DOCK4: variants seen among roughly 807,000 people sequenced by gnomAD.
DOCK4 encodes the protein dedicator of cytokinesis protein 4.
In DOCK4, 97 loss-of-function variants were observed where a neutral mutation model predicts 268.1. The ratio of observed to expected loss-of-function variants is 0.36; its 90% CI spans 0.31 to 0.43. The LOEUF is 0.43. Among genes scored for constraint, DOCK4 ranks in the 20% least tolerant of loss-of-function variants. DOCK4 has a pLI of 1.00. For missense variants in DOCK4, 2,145 were observed against 2,455.7 expected (o/e 0.87, Z 2.67); for synonymous variants, 954 against 887.2 (o/e 1.08, Z -1.34).
chr7:112,184,795 C>G lies in DOCK4; in HGVS notation c.37+21307G>C, dbSNP rs375722231. On this transcript the variant is annotated intron_variant, in intron 1 of 52. Transcript: ENST00000428084. Reference sequence around the variant, plus strand: ...CTGTGTGACCCCTACAATCCCCCCCCCTTAGAGCTTGCAGAGGGTGTTGAG... The same window carrying G: ...CTGTGTGACCCCTACAATCCCCCCCGCTTAGAGCTTGCAGAGGGTGTTGAG... Among the ~76,000 whole-genome samples, 762 of 152,206 alleles carry G rather than the reference C, an allele frequency of 5.0e-3. 7 individuals carry two copies. The highest frequency in any genetic ancestry group is 0.014 in the African/African-American group (599 of 41,520).
At chr7:112,099,848 G>T (rs1810514715) in intron 1 of DOCK4, among the ~76,000 whole-genome samples, 1 of 152,072 alleles carries the variant, frequency 6.6e-6, no homozygotes, top group Non-Finnish European at 1.5e-5. Flanking sequence ...CATTACTAAT[G>T]ACATAACTGT....
chr7:112,068,690 G>C (rs1807303210), intron 1 of DOCK4, among the ~76,000 whole-genome samples: 1 of 152,152 alleles, frequency 6.6e-6, no homozygotes, highest in Admixed American at 6.5e-5. Flanking sequence ...GCTGCAGCGA[G>C]ACTCATCTTT....
intron 1 of DOCK4, among the ~76,000 whole-genome samples, chr7:112,118,903 C>T (rs28572668): frequency 0.049 from 7,454 of 152,148 alleles, 373 homozygotes; most frequent in East Asian, 0.2. Context: ...TCATTTTTCC[C>T]TAAATGTAGA....
chr7:111,786,724 C>T (rs971717176), intron 32 of DOCK4, among the ~76,000 whole-genome samples: 24 of 152,236 alleles, frequency 1.6e-4, no homozygotes, highest in Middle Eastern at 3.4e-3. Context: ...TACCATATAA[C>T]GGCATGTGTT....
At chr7:111,730,437 C>T (rs1057437632) in intron 52 of DOCK4, among the ~76,000 whole-genome samples, 21 of 152,208 alleles carry the variant, frequency 1.4e-4, no homozygotes, top group Admixed American at 2.6e-4. Flanking sequence ...GCTAACTTGA[C>T]TTTGGTTTCT....
At chr7:111,957,325 C>T (rs929262953) in intron 8 of DOCK4, among the ~76,000 whole-genome samples, 56 of 152,020 alleles carry the variant, frequency 3.7e-4, no homozygotes, top group Admixed American at 3.3e-3. Flanking sequence ...ATAAAAATTG[C>T]ATATTGGGCA....
In DOCK4 at chr7:111,895,700, T is replaced by C. The variant is rs1383575022; in HGVS notation, c.1499A>G (p.Lys500Arg). ...GACAAAAGAAAACCCAAACAACTTC[T>C]TCTCTCCTTTCTCCTTTGCTGTAAA... The part of the protein sequence containing the change: ...RHCSTKEKGE[K>R]KLFGFSFVPL... Residue 500 changes from lysine to arginine, a missense_variant, in exon 16 of 53, where the codon AAG (lysine) becomes AGG (arginine). By Grantham distance (26) the Lys-to-Arg change is conservative. This residue lies in a region of DOCK4 where 1,598 missense variants were observed against 1,986.7 expected (regional missense o/e 0.80). Coordinates refer to ENST00000428084, the MANE Select transcript of DOCK4 (RefSeq NM_001363540.2). The C allele has an allele frequency of 6.2e-7, 1 of 1,613,836 alleles. No homozygotes were observed. The highest frequency in any genetic ancestry group is 8.5e-7 in the Non-Finnish European group (1 of 1,179,842).
chr7:111,843,834 C>T (rs1282952680), intron 25 of DOCK4, among the ~76,000 whole-genome samples: 1 of 152,132 alleles, frequency 6.6e-6, no homozygotes, highest in Non-Finnish European at 1.5e-5. Context: ...AAAATCTGGC[C>T]TTAGGAGAGT....
intron 1 of DOCK4, among the ~76,000 whole-genome samples, chr7:112,188,869 T>A (rs779991013): frequency 2.6e-5 from 4 of 152,236 alleles, no homozygotes; most frequent in Admixed American, 6.5e-5. Context: ...TTATTTTATC[T>A]TTCTGAATTT....
intron 22 of DOCK4, among the ~76,000 whole-genome samples, chr7:111,867,236 A>G (rs943495627): frequency 1.3e-5 from 2 of 152,164 alleles, no homozygotes; most frequent in African/African-American, 4.8e-5. Context: ...TTGTCTCCTA[A>G]TCTCCCTTTT....
intron 1 of DOCK4, among the ~76,000 whole-genome samples, chr7:112,007,201 T>A (rs964133160): frequency 9.9e-5 from 15 of 152,270 alleles, no homozygotes; most frequent in African/African-American, 2.9e-4. Flanking sequence ...AGGCATCACA[T>A]AATATTACAG....
chr7:112,168,118 C>T (rs374286511), intron 1 of DOCK4, among the ~76,000 whole-genome samples: 54 of 152,006 alleles, frequency 3.6e-4, no homozygotes, highest in African/African-American at 1.2e-3. Context: ...ATAAAGGCTG[C>T]CTGGTACTTA....
intron 8 of DOCK4, among the ~76,000 whole-genome samples, chr7:111,947,851 G>A (rs1243601780): frequency 6.6e-6 from 1 of 152,042 alleles, no homozygotes; most frequent in Non-Finnish European, 1.5e-5. Flanking sequence ...AGCTTCCAGA[G>A]TAGCTGGGAC....
chr7:111,739,271 T>G, intron 48 of DOCK4, 28 bp from the exon 49 acceptor site: 1 of 1,604,506 alleles, frequency 6.2e-7, no homozygotes, highest in Non-Finnish European at 8.5e-7. Context: ...GAGAGGATCA[T>G]CAGCATGGTA....
At chr7:112,027,733 C>T (rs1277456557) in intron 1 of DOCK4, among the ~76,000 whole-genome samples, 1 of 152,108 alleles carries the variant, frequency 6.6e-6, no homozygotes, top group Non-Finnish European at 1.5e-5. Context: ...AAGGCACAGG[C>T]TCAGAAAATA....
At chr7:111,823,004 G>A (rs1275708652) in intron 26 of DOCK4, among the ~76,000 whole-genome samples, 1 of 152,148 alleles carries the variant, frequency 6.6e-6, no homozygotes, top group Non-Finnish European at 1.5e-5. Flanking sequence ...TTTCCAGAGT[G>A]TGCTGTGCAC....
At chr7:111,927,918 C>A (rs1425790328) in intron 12 of DOCK4, among the ~76,000 whole-genome samples, 1 of 152,282 alleles carries the variant, frequency 6.6e-6, no homozygotes, top group East Asian at 1.9e-4. Context: ...ACATCCTTAT[C>A]TCTGAAAACA....
intron 12 of DOCK4, among the ~76,000 whole-genome samples, chr7:111,924,308 G>A (rs1207825461): frequency 2.0e-5 from 3 of 152,134 alleles, no homozygotes; most frequent in South Asian, 4.1e-4. Flanking sequence ...GTGTGGAAGC[G>A]ACGATATGGA....
chr7:111,773,219 C>A (rs1314207454), intron 36 of DOCK4, among the ~76,000 whole-genome samples: 1 of 152,068 alleles, frequency 6.6e-6, no homozygotes, highest in Non-Finnish European at 1.5e-5. Flanking sequence ...TCACAAAAGG[C>A]TGGAAAAGGG....
Sources: allele counts gnomAD v4.1 joint callset (sites outside exome capture counted in the v4.1 genomes callset), GRCh38; gene constraint gnomAD v4.1.1; regional missense constraint gnomAD v4.1.1; transcripts MANE v1.5; gene names NCBI Gene and HGNC (gene_info 2026-07-23, HGNC 2026-07-21).